Variants in DDI2 observed in about 807,000 individuals in gnomAD.
The protein encoded by DDI2 is DDI proteasomal shuttling factor 2.
DDI2 carries 5 observed loss-of-function variants against 48.1 expected under a neutral mutation model. The observed-to-expected ratio is 0.10, with a 90% confidence interval of 0.05 to 0.22. The LOEUF is 0.22. Among genes scored for constraint, DDI2 ranks in the 10% least tolerant of loss-of-function variants. The probability of loss-of-function intolerance (pLI) is 1.00; values close to 1 mark genes in which losing one functional copy is unlikely to be tolerated. For synonymous variants in DDI2, 205 were observed against 183.6 expected, an observed-to-expected ratio of 1.12 and a Z score of -0.94; for missense variants, 285 against 506.2, an observed-to-expected ratio of 0.56 and a Z score of 4.19.
chr1:15,661,850 G>T lies in DDI2; in HGVS notation c.*2060G>T. On this transcript the variant is annotated 3_prime_UTR_variant, in exon 10 of 10. Transcript: ENST00000480945. ...TAGAAACCTGCAAGCAGAATGTTGAGCCAGATTTTTTTTAAAGATTTTTTT... is the reference window on the plus strand; with the variant it reads ...TAGAAACCTGCAAGCAGAATGTTGATCCAGATTTTTTTTAAAGATTTTTTT... 7.9e-7 allele frequency: 1 copy of T among 1,266,550 alleles called. No individual in the cohort carries two copies. Among genetic ancestry groups the T allele is most frequent in the Non-Finnish European group, 1.0e-6 (1 of 982,094 alleles). 78.5% of individuals were successfully genotyped at this position (1,266,550 alleles called of 1,614,324 possible). A position where few individuals can be genotyped will look rare whatever the true frequency, so the allele number is the denominator to read the frequency against.
chr1:15,637,266 G>A (rs1206668078), intron 4 of DDI2, among the ~76,000 whole-genome samples: 3 of 151,232 alleles, frequency 2.0e-5, no homozygotes, highest in African/African-American at 4.9e-5. Flanking sequence ...CATGTTGCCC[G>A]GGCTGGTTTG....
intron 6 of DDI2, among the ~76,000 whole-genome samples, chr1:15,648,952 G>T (rs973513509): frequency 6.6e-6 from 1 of 152,014 alleles, no homozygotes; most frequent in African/African-American, 2.4e-5. Flanking sequence ...TAGGTCATCT[G>T]CTGGGTGTGG....
At chr1:15,655,199 C>T (rs1459728943) in intron 8 of DDI2, among the ~76,000 whole-genome samples, 1 of 152,102 alleles carries the variant, frequency 6.6e-6, no homozygotes, top group Non-Finnish European at 1.5e-5. Flanking sequence ...ATAGCTTGTG[C>T]TAATTTTTGT....
intron 5 of DDI2, among the ~76,000 whole-genome samples, chr1:15,641,814 G>A (rs1640013123): frequency 2.6e-5 from 4 of 151,810 alleles, no homozygotes; most frequent in Non-Finnish European, 4.4e-5. Flanking sequence ...AAATAGCCGG[G>A]CATGGTGGCA....
intron 1 of DDI2, among the ~76,000 whole-genome samples, chr1:15,619,518 G>A (rs1412377581): frequency 1.3e-5 from 2 of 149,578 alleles, no homozygotes; most frequent in African/African-American, 4.9e-5. Context: ...CTGGAGTGCA[G>A]TGGCGCGATC....
Position 15,663,335 on chromosome 1 carries a change from G to A in DDI2, c.*3545G>A, listed in dbSNP as rs1042109649. ...GAGTTTTTGAAATTTTAATTTAGGG[G>A]CACTTAGAGACATTTTTTTCTACCC... On this transcript the variant is annotated 3_prime_UTR_variant, in exon 10 of 10. Transcript: ENST00000480945. The A allele has an allele frequency of 2.6e-5, 4 of 152,066 alleles. No homozygotes were observed. The highest frequency in any genetic ancestry group is 4.1e-4 in the South Asian group (2 of 4,822). The allele number at this position is 152,066 out of a possible 1,614,324, so 9.4% of individuals were successfully genotyped here.
intron 8 of DDI2, among the ~76,000 whole-genome samples, chr1:15,653,298 C>CA (rs1344600603): frequency 2.0e-5 from 3 of 151,328 alleles, no homozygotes; most frequent in Non-Finnish European, 4.4e-5. Flanking sequence ...TTTATATAGA[C>CA]AGAGTCTTGC....
intron 6 of DDI2, among the ~76,000 whole-genome samples, chr1:15,648,251 G>T (rs918817829): frequency 1.3e-5 from 2 of 152,176 alleles, no homozygotes; most frequent in Non-Finnish European, 2.9e-5. Context: ...TAAATGAGAA[G>T]ATAATAGGAG....
chr1:15,647,226 C>A (rs1175959917), intron 6 of DDI2, among the ~76,000 whole-genome samples: 1 of 151,770 alleles, frequency 6.6e-6, no homozygotes, highest in East Asian at 1.9e-4. Context: ...TGGCTCACTT[C>A]AACCTGTGCC....
rs6667950 is a variant in DDI2 at position 15,648,482 on chromosome 1, T to C, written c.890-1238T>C. 8.7e-3 allele frequency among the ~76,000 whole-genome samples: 1,333 copies of C among 152,350 alleles called. 19 individuals carry two copies. Among genetic ancestry groups the C allele is most frequent in the African/African-American group, 0.029 (1,220 of 41,568 alleles). ...AATCCTGGTAGATTTTTTGTGAGAC[T>C]GGATGTGCTCATTTTAAATTTGGCG... On this transcript the variant is annotated intron_variant, in intron 6 of 9. Transcript: ENST00000480945.
chr1:15,624,956 A>C (rs1275875557), intron 1 of DDI2, among the ~76,000 whole-genome samples: 3 of 152,118 alleles, frequency 2.0e-5, no homozygotes, highest in Non-Finnish European at 4.4e-5. Context: ...TTTTTTTTCA[A>C]GTCATGCATA....
intron 9 of DDI2, among the ~76,000 whole-genome samples, chr1:15,657,651 T>A (rs138865412): frequency 5.3e-5 from 8 of 152,180 alleles, no homozygotes; most frequent in Admixed American, 1.3e-4. Flanking sequence ...AACACACAAA[T>A]ACCAGAAGGC....
chr1:15,621,352 A>C (rs1639661481), intron 1 of DDI2, among the ~76,000 whole-genome samples: 1 of 152,124 alleles, frequency 6.6e-6, no homozygotes, highest in Admixed American at 6.6e-5. Flanking sequence ...TTGGAAATGC[A>C]CACAGCATGA....
At chr1:15,654,498 T>A (rs573546821) in intron 8 of DDI2, among the ~76,000 whole-genome samples, 29 of 149,988 alleles carry the variant, frequency 1.9e-4, no homozygotes, top group South Asian at 8.5e-4. Flanking sequence ...ACAAGAAATT[T>A]AAAAAAAAAA....
chr1:15,630,754 T>C (rs1268824136), intron 3 of DDI2, among the ~76,000 whole-genome samples, 193 bp downstream of exon 3: 1 of 152,250 alleles, frequency 6.6e-6, no homozygotes, highest in African/African-American at 2.4e-5. Flanking sequence ...GTTTTAGCAG[T>C]GAAATCCATC....
At chr1:15,620,702 A>G (rs1360035537) in intron 1 of DDI2, among the ~76,000 whole-genome samples, 5 of 152,204 alleles carry the variant, frequency 3.3e-5, no homozygotes, top group African/African-American at 1.2e-4. Flanking sequence ...AATACATTAT[A>G]TACATGAACT....
At chr1:15,650,529 G>A (rs1256054455) in intron 7 of DDI2, among the ~76,000 whole-genome samples, 1 of 152,094 alleles carries the variant, frequency 6.6e-6, no homozygotes. Context: ...AGGATTGCTT[G>A]AGGCCAGAAT....
rs749375601 is a variant in DDI2 at position 15,626,664 on chromosome 1, TG to T, written c.139-4del. ...TATACTGTTGTATATCTTTTCTTGT[TG>T]TAGATCGTCTATGCGGAAAGACCTC... On this transcript the variant is annotated splice_polypyrimidine_tract_variant and splice_region_variant and intron_variant, in intron 1 of 9. Transcript: ENST00000480945. 6.8e-6 allele frequency: 11 copies of T among 1,614,222 alleles called. No homozygotes were observed. The highest frequency in any genetic ancestry group is 9.3e-6 in the Non-Finnish European group (11 of 1,180,036).
At chr1:15,643,151 T>C (rs983758580) in intron 5 of DDI2, among the ~76,000 whole-genome samples, 1 of 152,212 alleles carries the variant, frequency 6.6e-6, no homozygotes, top group Admixed American at 6.5e-5. Context: ...GGAGAATCGT[T>C]TGAAGCCAGG....
Sources: allele counts gnomAD v4.1 joint callset (sites outside exome capture counted in the v4.1 genomes callset), GRCh38; gene constraint gnomAD v4.1.1; transcripts MANE v1.5; gene names NCBI Gene and HGNC (gene_info 2026-07-23, HGNC 2026-07-21).